The following BRIX1 variants were observed in gnomAD, a reference collection of about 807,000 sequenced individuals.
BRIX1 encodes ribosome biogenesis protein BRX1 homolog.
A neutral mutation model predicts 44.0 loss-of-function variants in BRIX1; 15 were observed. The observed-to-expected ratio is 0.34, with a 90% CI of 0.23 to 0.53. The LOEUF (loss-of-function observed/expected upper bound fraction) is 0.53, where lower values mean the gene tolerates loss of function less well. Ranked by LOEUF, BRIX1 falls within the 20% of genes least tolerant of loss-of-function variation. The pLI is 0.95. For missense variants in BRIX1, 420 were observed against 432.8 expected, an observed-to-expected ratio of 0.97 and a Z score of 0.26; for synonymous variants, 149 against 135.4, an observed-to-expected ratio of 1.10 and a Z score of -0.70.
chr5:34,919,340 T>TG (rs1424934931), intron 2 of BRIX1, among the ~76,000 whole-genome samples: 3 of 150,868 alleles, frequency 2.0e-5, no homozygotes, highest in African/African-American at 7.3e-5. Context: ...ATATGGCTGT[T>TG]GTTGTGCTTA....
chr5:34,918,646 C>T, intron 2 of BRIX1, 171 bp downstream of exon 2: 1 of 496,004 alleles, frequency 2.0e-6, no homozygotes, highest in South Asian at 3.6e-5. Flanking sequence ...GTAAGAAATT[C>T]TTTAGATTTC....
chr5:34,924,397 A>G (rs3776603), intron 8 of BRIX1, among the ~76,000 whole-genome samples: 45,585 of 152,154 alleles, frequency 0.3, 8,594 homozygotes, highest in Non-Finnish European at 0.42. Flanking sequence ...TTTTAATTCC[A>G]TAATCAGTAG....
intron 1 of BRIX1, among the ~76,000 whole-genome samples, chr5:34,917,597 G>A (rs376458567): frequency 6.6e-6 from 1 of 152,020 alleles, no homozygotes. Context: ...CCGAGATCGC[G>A]CCACTGCACT....
Position 34,923,139 on chromosome 5 carries a change from A to G in BRIX1, c.568A>G (p.Ser190Gly). Reference sequence around the variant, plus strand: ...CATACACTTTTTTAACTAGATCTTTAGTACACCACGGTATCATCCCAAAAG... The same window carrying G: ...CATACACTTTTTTAACTAGATCTTTGGTACACCACGGTATCATCCCAAAAG... ...LLKELLIQIFSTPRYHPKSQP... is the reference protein window; with the variant it reads ...LLKELLIQIFGTPRYHPKSQP... The change falls in exon 8 of 10, where the codon AGT becomes GGT. Residue 190 changes from serine (S) to glycine (G), a missense_variant. By Grantham distance (56) the Ser-to-Gly change is moderately conservative (BLOSUM62 0). Coordinates refer to ENST00000336767, the MANE Select transcript of BRIX1 (RefSeq NM_018321.4). The G allele has an allele frequency of 1.2e-6, 2 of 1,612,918 alleles. No homozygotes were observed. The highest frequency in any genetic ancestry group is 1.7e-6 in the Non-Finnish European group (2 of 1,178,862).
intron 6 of BRIX1, 78 bp downstream of exon 6, chr5:34,922,846 T>A: frequency 7.2e-7 from 1 of 1,394,732 alleles, no homozygotes; most frequent in Non-Finnish European, 1.0e-6. Flanking sequence ...GTTGTGTTAT[T>A]CAATTTAGTT....
At chr5:34,921,911 A>C (rs1481203358) in intron 3 of BRIX1, 15 of 161,310 alleles carry the variant, frequency 9.3e-5, no homozygotes, top group South Asian at 2.0e-4. Flanking sequence ...GCATCGCAAA[A>C]AAAAAAAAAA....
At chr5:34,917,766 A>C (rs1219810458) in intron 1 of BRIX1, among the ~76,000 whole-genome samples, 1 of 152,200 alleles carries the variant, frequency 6.6e-6, no homozygotes, top group Non-Finnish European at 1.5e-5. Context: ...AAGTAAGTGC[A>C]GTGTGAATAA....
In BRIX1 at chr5:34,923,242, T is replaced by C. The variant is rs746692635; in HGVS notation, c.663+8T>C. On this transcript the variant is annotated splice_region_variant and intron_variant, in intron 8 of 9. Coordinates refer to ENST00000336767, the MANE Select transcript of BRIX1 (RefSeq NM_018321.4). ...TGGTTTCGGAACTTTCAGGTAAGCT[T>C]TACTTGATTTTTAATTATACCTTTT... The C allele has an allele frequency of 6.4e-7, 1 of 1,559,860 alleles. No individual in the cohort carries two copies. Among genetic ancestry groups the C allele is most frequent in the South Asian group, 1.1e-5 (1 of 89,784 alleles).
chr5:34,918,557 C>A, intron 2 of BRIX1, 82 bp downstream of exon 2: 1 of 801,352 alleles, frequency 1.2e-6, no homozygotes, highest in South Asian at 2.4e-5. Flanking sequence ...ATATATTCTT[C>A]ATTTGTTCAG....
chr5:34,921,225 A>C (rs1041741326), intron 3 of BRIX1: 2 of 152,226 alleles, frequency 1.3e-5, no homozygotes, highest in African/African-American at 4.8e-5. Context: ...ACAGTAATAC[A>C]AGCCTTCACT....
Position 34,915,850 on chromosome 5 carries a change from G to C in BRIX1, c.112G>C (p.Glu38Gln). ...AGCTAAGCGGCACGCCACAGCAGAG[G>C]AGGTGGAGGAAGAAGAGAGGGACCG... ...PPAKRHATAE[E>Q]VEEEERDRIP... Residue 38 changes from glutamate (E) to glutamine (Q), a missense_variant, in exon 1 of 10, where the codon GAG becomes CAG. Transcript: ENST00000336767. 2 of 1,566,536 alleles carry C rather than the reference G, an allele frequency of 1.3e-6. No individual in the cohort carries two copies. The highest frequency in any genetic ancestry group is 4.7e-5 in the East Asian group (2 of 42,172).
At chr5:34,923,374 G>C (rs1490514649) in intron 8 of BRIX1, 140 bp downstream of exon 8, 1 of 647,508 alleles carries the variant, frequency 1.5e-6, no homozygotes, top group Non-Finnish European at 2.7e-6. Context: ...CCACCTCCCG[G>C]GTTCAAGCTT....
Position 34,922,606 on chromosome 5 carries a change from A to G in BRIX1, c.436+18A>G, listed in dbSNP as rs1561172846. 6.3e-7 allele frequency: 1 copy of G among 1,596,178 alleles called. No individual in the cohort carries two copies. Among genetic ancestry groups the G allele is most frequent in the Non-Finnish European group, 8.6e-7 (1 of 1,164,358 alleles). On this transcript the variant is annotated intron_variant, in intron 5 of 9. Transcript: ENST00000336767. ...TCAAAATAGTAAGTTGACTCAATAA[A>G]TTTTTTTAGATGAGGAAATTAAAAG...
intron 8 of BRIX1, among the ~76,000 whole-genome samples, chr5:34,924,131 A>G (rs989707057): frequency 6.6e-6 from 1 of 152,228 alleles, no homozygotes; most frequent in Non-Finnish European, 1.5e-5. Flanking sequence ...TCACACAGTG[A>G]CTCATTCAGG....
chr5:34,918,686 G>T, intron 2 of BRIX1: 1 of 436,788 alleles, frequency 2.3e-6, no homozygotes, highest in Non-Finnish European at 4.1e-6. Context: ...TTTTAAAACA[G>T]GTGTCCTAAT....
rs990644292 is a variant in BRIX1 at position 34,925,756 on chromosome 5, A to G, written c.*261A>G. The G allele has an allele frequency of 2.1e-5, 7 of 329,234 alleles. No homozygotes were observed. Among genetic ancestry groups the G allele is most frequent in the African/African-American group, 1.5e-4 (7 of 46,630 alleles). The allele number at this position is 329,234 out of a possible 1,614,324, so 20.4% of individuals were successfully genotyped here. A position where few individuals can be genotyped will look rare whatever the true frequency, so the allele number is the denominator to read the frequency against. Reference sequence around the variant, plus strand: ...AATGTAGCCTGTTCTCTTGGGTTGGAATTTTTGGTTTAGCAAAGCTGAAAT... The same window carrying G: ...AATGTAGCCTGTTCTCTTGGGTTGGGATTTTTGGTTTAGCAAAGCTGAAAT... On this transcript the variant is annotated 3_prime_UTR_variant, in exon 10 of 10. Coordinates refer to ENST00000336767, the MANE Select transcript of BRIX1 (RefSeq NM_018321.4).
In BRIX1 at chr5:34,919,934, G is replaced by T. The variant is rs41270651; in HGVS notation, c.315+51G>T. 1,368 of 685,320 alleles carry T rather than the reference G, an allele frequency of 2.0e-3. 5 individuals are homozygous for T. Among genetic ancestry groups the T allele is most frequent in the Non-Finnish European group, 2.9e-3 (1,182 of 402,000 alleles). The allele number at this position is 685,320 out of a possible 1,614,324, so 42.5% of individuals were successfully genotyped here. ...AAATATTTTTAAAATGTTAACAGTGGCTTATTTCAAAACTAAGTCATTCAG... is the reference window on the plus strand; with the variant it reads ...AAATATTTTTAAAATGTTAACAGTGTCTTATTTCAAAACTAAGTCATTCAG... On this transcript the variant is annotated intron_variant, in intron 3 of 9. Transcript: ENST00000336767.
intron 6 of BRIX1, 107 bp from the exon 7 acceptor site, chr5:34,922,894 C>G (rs1219807985): frequency 8.2e-7 from 1 of 1,216,344 alleles, no homozygotes; most frequent in Admixed American, 1.9e-5. Context: ...TCAATTCTTT[C>G]AGGTACATTT....
At position 34,922,652 on chromosome 5, in the gene BRIX1, G is replaced by A. The variant is rs759080368; in HGVS notation, c.437-43G>A. On this transcript the variant is annotated intron_variant, in intron 5 of 9. Coordinates refer to ENST00000336767, the MANE Select transcript of BRIX1 (RefSeq NM_018321.4). ...AAAAGTAATCTTTTGAAATAGTTGT[G>A]CAAAAGTTACAACTATTTTTGTTTT... 6.9e-6 allele frequency: 11 copies of A among 1,587,886 alleles called. No homozygotes were observed. In the East Asian group the frequency reaches 2.2e-4, roughly 32 times the overall value.
Sources: gnomAD v4.1 joint callset for allele counts (sites outside exome capture counted in the v4.1 genomes callset) on GRCh38, gnomAD v4.1.1 for gene constraint, MANE v1.5 for transcripts, NCBI Gene and HGNC (gene_info 2026-07-23, HGNC 2026-07-21) for gene names.